The following SEMA3D variants were observed in gnomAD, a reference collection of about 807,000 sequenced individuals.
SEMA3D encodes semaphorin 3D, also known as semaphorin-3D.
In SEMA3D, 84 loss-of-function variants were observed where a neutral mutation model predicts 100.1. The ratio of observed to expected loss-of-function variants is 0.84; its 90% confidence interval spans 0.70 to 1.01. SEMA3D has a LOEUF of 1.01. Among genes scored for constraint, SEMA3D ranks in the 50% least tolerant of loss-of-function variants. The probability of loss-of-function intolerance (pLI) is 0.00; values close to 1 mark genes in which losing one functional copy is unlikely to be tolerated. For synonymous variants in SEMA3D, 312 were observed against 320.7 expected (o/e 0.97, Z 0.29); for missense variants, 875 against 934.1 (o/e 0.94, Z 0.82).
rs1244881562 is a variant in SEMA3D at position 85,015,894 on chromosome 7, G to A, written c.1546-678C>T. On this transcript the variant is annotated intron_variant, in intron 15 of 18. Coordinates refer to ENST00000284136, the MANE Select transcript of SEMA3D (RefSeq NM_001384900.1). ...TCTTTTGAGTATCTGTGGTAGTAGC[G>A]GTGGAGGGGGAGGGGTGATACAAGT... 4.6e-5 allele frequency among the ~76,000 whole-genome samples: 7 copies of A among 151,764 alleles called. No individual in the cohort carries two copies. The Middle Eastern group carries it at 0.014, about 295-fold the overall frequency.
intron 4 of SEMA3D, among the ~76,000 whole-genome samples, chr7:85,095,537 G>A (rs111960229): frequency 0.01 from 1,556 of 152,106 alleles, 28 homozygotes; most frequent in African/African-American, 0.035. Flanking sequence ...GGTTTCCTCC[G>A]CAAAAGAGTT....
At chr7:85,178,408 G>A (rs1348800611) in intron 1 of SEMA3D, among the ~76,000 whole-genome samples, 1 of 152,168 alleles carries the variant, frequency 6.6e-6, no homozygotes, top group African/African-American at 2.4e-5. Flanking sequence ...TGCTTATAAT[G>A]ATATGAACAA....
intron 2 of SEMA3D, among the ~76,000 whole-genome samples, chr7:85,151,202 C>T (rs1030333162): frequency 1.3e-5 from 2 of 151,742 alleles, no homozygotes; most frequent in Non-Finnish European, 2.9e-5. Flanking sequence ...GCTGCAAAAA[C>T]CCTATGTAAA....
the SEMA3D span, among the ~76,000 whole-genome samples, chr7:85,232,907 A>G: frequency 6.6e-6 from 1 of 152,164 alleles, no homozygotes; most frequent in Non-Finnish European, 1.5e-5. Context: ...CTGGCCATTA[A>G]CCCTTTATGA....
intron 12 of SEMA3D, among the ~76,000 whole-genome samples, chr7:85,034,319 G>A (rs1487366997): frequency 1.3e-5 from 2 of 151,938 alleles, no homozygotes; most frequent in Admixed American, 1.3e-4. Context: ...GCATTAGAAT[G>A]ACCTAGGCCG....
At position 85,121,792 on chromosome 7, in the gene SEMA3D, C is replaced by T; in HGVS notation, c.100G>A (p.Val34Ile). The change falls in exon 3 of 19, where the codon GTC becomes ATC. Residue 34 changes from valine (V) to isoleucine (I), a missense_variant. Coordinates refer to ENST00000284136, the MANE Select transcript of SEMA3D (RefSeq NM_001384900.1). Reference protein sequence around the residue: ...MLSMTMLFLPVTGTLKQNIPR... With the variant: ...MLSMTMLFLPITGTLKQNIPR... The stretch of plus-strand genomic sequence containing the variant: ...ATATTTTGCTTCAAAGTGCCAGTGA[C>T]TGGAAGAAACAACATGGTCATGCTT... 6.2e-7 allele frequency: 1 copy of T among 1,608,926 alleles called. No individual in the cohort carries two copies. Among genetic ancestry groups the T allele is most frequent in the East Asian group, 2.2e-5 (1 of 44,618 alleles).
Position 84,996,306 on chromosome 7 carries a change from G to A in SEMA3D, c.*3134C>T, listed in dbSNP as rs1205187455. The A allele has an allele frequency of 6.6e-6, 1 of 151,872 alleles. No individual in the cohort carries two copies. The highest frequency in any genetic ancestry group is 1.5e-5 in the Non-Finnish European group (1 of 67,850). The allele number at this position is 151,872 out of a possible 1,614,324, so 9.4% of individuals were successfully genotyped here. On this transcript the variant is annotated 3_prime_UTR_variant, in exon 19 of 19. Transcript: ENST00000284136. ...GGAACAAAACATACTAGAATATGAAGAACCAAAATATGAACCAAAAGCAAA... is the reference window on the plus strand; with the variant it reads ...GGAACAAAACATACTAGAATATGAAAAACCAAAATATGAACCAAAAGCAAA...
At chr7:85,169,676 T>C (rs1396167864) in intron 1 of SEMA3D, among the ~76,000 whole-genome samples, 1 of 151,872 alleles carries the variant, frequency 6.6e-6, no homozygotes, top group African/African-American at 2.4e-5. Flanking sequence ...AGAAGAGCTG[T>C]GGTATCTGTT....
chr7:85,123,265 T>A (rs1249404012), intron 2 of SEMA3D, among the ~76,000 whole-genome samples: 1 of 152,132 alleles, frequency 6.6e-6, no homozygotes, highest in African/African-American at 2.4e-5. Context: ...TTCTCTTCCA[T>A]GTTAATTAAC....
intron 3 of SEMA3D, among the ~76,000 whole-genome samples, chr7:85,116,517 G>A (rs1363029630): frequency 1.3e-5 from 2 of 150,538 alleles, no homozygotes; most frequent in Non-Finnish European, 3.0e-5. Flanking sequence ...ATGCATGTAT[G>A]TATTCTGGAT....
chr7:85,140,494 A>C, intron 2 of SEMA3D: 9 of 983,920 alleles, frequency 9.1e-6, no homozygotes, highest in Non-Finnish European at 1.1e-5. Context: ...TTACATTAAA[A>C]AGAAAAATTG....
At position 85,121,300 on chromosome 7, in the gene SEMA3D, T is replaced by C. The variant is rs75795561; in HGVS notation, c.151+441A>G. 1.6e-3 allele frequency among the ~76,000 whole-genome samples: 241 copies of C among 152,280 alleles called. 1 individual carries two copies. Among genetic ancestry groups the C allele is most frequent in the Non-Finnish European group, 2.7e-3 (187 of 68,004 alleles). On this transcript the variant is annotated intron_variant, in intron 3 of 18. Transcript: ENST00000284136. ...CTTTTTTATATTTAAACCTTTCACA[T>C]TGTCTTTTTCTATTACCAAGTACAT... is the stretch of plus-strand genomic sequence containing the variant.
chr7:85,129,567 C>G (rs1255806582), intron 2 of SEMA3D, among the ~76,000 whole-genome samples: 6 of 151,984 alleles, frequency 3.9e-5, no homozygotes, highest in Non-Finnish European at 7.4e-5. Flanking sequence ...TGTAAGCCTG[C>G]TTATACACAA....
intron 2 of SEMA3D, among the ~76,000 whole-genome samples, chr7:85,137,164 T>A (rs77093504): frequency 9.9e-5 from 15 of 152,162 alleles, no homozygotes; most frequent in Non-Finnish European, 1.9e-4. Context: ...GAGTCAGATA[T>A]GAGAAACTCT....
At chr7:85,166,751 C>T (rs1262252553) in intron 1 of SEMA3D, among the ~76,000 whole-genome samples, 2 of 151,820 alleles carry the variant, frequency 1.3e-5, no homozygotes, top group Non-Finnish European at 2.9e-5. Context: ...GTTCAAATTA[C>T]TAGCCGTATG....
At chr7:85,244,708 CTTTTT>C in the SEMA3D span, among the ~76,000 whole-genome samples, 10 of 121,882 alleles carry the variant, frequency 8.2e-5, no homozygotes, top group African/African-American at 1.5e-4. Context: ...ACTGCACAAT[CTTTTT>C]TTTTTTTTTT....
rs779806663 is a variant in SEMA3D, at chr7:85,065,493, G to A, written c.649C>T (p.Arg217Ter). 1.2e-6 allele frequency: 2 copies of A among 1,612,230 alleles called. No homozygotes were observed. The highest frequency in any genetic ancestry group is 1.3e-5 in the African/African-American group (1 of 74,836). The change falls in exon 8 of 19, where the codon CGA (arginine) becomes TGA (stop). Residue 217 changes from arginine (R) to a stop codon, truncating the protein, a stop_gained. Transcript: ENST00000284136. LOFTEE classifies it high-confidence loss of function. ...DFLGKDTAFTRSLGPTHDHHY... is the reference protein window; with the variant it reads ...DFLGKDTAFT The stretch of plus-strand genomic sequence containing the variant: ...TGGTCATGAGTAGGCCCAAGGGATC[G>A]AGTGAATGCAGTATCTTTGCCAAGG...
At chr7:85,015,447 T>C (rs1222379477) in intron 15 of SEMA3D, among the ~76,000 whole-genome samples, 1 of 151,782 alleles carries the variant, frequency 6.6e-6, no homozygotes, top group East Asian at 1.9e-4. Flanking sequence ...TCTACAAGCT[T>C]GGCAGTAATT....
intron 8 of SEMA3D, among the ~76,000 whole-genome samples, chr7:85,058,080 A>G (rs1791372375): frequency 6.6e-6 from 1 of 152,208 alleles, no homozygotes; most frequent in African/African-American, 2.4e-5. Flanking sequence ...AAAAGAAAGG[A>G]GGGAAATACA....
Sources: allele counts gnomAD v4.1 joint callset (sites outside exome capture counted in the v4.1 genomes callset), GRCh38; gene constraint gnomAD v4.1.1; transcripts MANE v1.5; gene names NCBI Gene and HGNC (gene_info 2026-07-23, HGNC 2026-07-21).